The following SLC38A1 variants were observed in gnomAD, a reference collection of about 807,000 sequenced individuals.
The protein encoded by SLC38A1 is sodium-coupled neutral amino acid symporter 1.
In SLC38A1, 18 loss-of-function variants were observed where a neutral mutation model predicts 60.3. The ratio of observed to expected loss-of-function variants is 0.30; its 90% CI spans 0.21 to 0.44. The LOEUF (loss-of-function observed/expected upper bound fraction) is 0.44, where lower values mean the gene tolerates loss of function less well. SLC38A1 is among the 20% of genes least tolerant of loss of function. The pLI is 1.00. For synonymous variants in SLC38A1, 196 were observed against 212.1 expected, an observed-to-expected ratio of 0.92 and a Z score of 0.66; for missense variants, 448 against 587.2, an observed-to-expected ratio of 0.76 and a Z score of 2.45.
Position 46,212,058 on chromosome 12 carries a change from T to C in SLC38A1, c.315-2931A>G, listed in dbSNP as rs139333872. Among the ~76,000 whole-genome samples, 21 of 152,316 alleles carry C rather than the reference T, an allele frequency of 1.4e-4. No homozygotes were observed. The East Asian group carries it at 3.9e-3, about 28-fold the overall frequency. ...ATTCTTAGAAAGAAGGAATATGTTG[T>C]CTAATTGACTCTAATAGAACCTAGA... is the stretch of plus-strand genomic sequence containing the variant. On this transcript the variant is annotated intron_variant, in intron 5 of 16. Coordinates refer to ENST00000398637, the MANE Select transcript of SLC38A1 (RefSeq NM_030674.4).
rs71067986 is a variant in SLC38A1 at position 46,199,307 on chromosome 12, T to TTGTG, written c.1004-568_1004-565dup. Among the ~76,000 whole-genome samples, 157 of 125,336 alleles carry TTGTG rather than the reference T, an allele frequency of 1.3e-3. 1 individual carries two copies. Among genetic ancestry groups the TTGTG allele is most frequent in the South Asian group, 2.0e-3 (7 of 3,550 alleles). The allele number at this position is 125,336 out of a possible 152,430, so 82.2% of individuals were successfully genotyped here. ...AAAAAAAATTAGTTTATGTACTACT[T>TTGTG]TGTGTGTGTGTGTGTGTGTGTGTGT... On this transcript the variant is annotated intron_variant, in intron 13 of 16. Transcript: ENST00000398637.
chr12:46,199,549 G>A (rs954704447), intron 13 of SLC38A1, among the ~76,000 whole-genome samples: 2 of 151,248 alleles, frequency 1.3e-5, no homozygotes, highest in Admixed American at 1.3e-4. Flanking sequence ...GTAGAGATGG[G>A]GGTCTCATTA....
chr12:46,217,244 T>A (rs985676739), intron 5 of SLC38A1, among the ~76,000 whole-genome samples: 4 of 152,158 alleles, frequency 2.6e-5, no homozygotes, highest in Admixed American at 6.5e-5. Flanking sequence ...ACAGCTAGTG[T>A]CAGAGCACTC....
intron 1 of SLC38A1, among the ~76,000 whole-genome samples, chr12:46,259,390 G>A (rs1186835607): frequency 6.6e-6 from 1 of 152,114 alleles, no homozygotes; most frequent in East Asian, 1.9e-4. Context: ...TATCCATACT[G>A]TTAGCAAGGC....
chr12:46,203,613 C>T (rs1195319237), intron 11 of SLC38A1, among the ~76,000 whole-genome samples: 3 of 152,208 alleles, frequency 2.0e-5, no homozygotes, highest in African/African-American at 7.2e-5. Flanking sequence ...TCCTTACAAT[C>T]AGAGAGAAGG....
intron 16 of SLC38A1, among the ~76,000 whole-genome samples, chr12:46,189,878 G>A (rs150036626): frequency 5.3e-5 from 8 of 152,206 alleles, no homozygotes; most frequent in Non-Finnish European, 8.8e-5. Flanking sequence ...GGCCTCCCCA[G>A]TCATGTGGAA....
chr12:46,201,469 A>T (rs547311942), intron 12 of SLC38A1, among the ~76,000 whole-genome samples: 1 of 152,138 alleles, frequency 6.6e-6, no homozygotes, highest in Non-Finnish European at 1.5e-5. Context: ...GGCAGACAGC[A>T]TTTTTTTAAT....
At position 46,185,708 on chromosome 12, in the gene SLC38A1, C is replaced by A. The variant is rs759084561; in HGVS notation, c.*3262G>T. 2.0e-5 allele frequency: 3 copies of A among 152,044 alleles called. No homozygotes were observed. The highest frequency in any genetic ancestry group is 2.9e-5 in the Non-Finnish European group (2 of 68,078). 9.4% of individuals were successfully genotyped at this position (152,044 alleles called of 1,614,324 possible). On this transcript the variant is annotated 3_prime_UTR_variant, in exon 17 of 17. Coordinates refer to ENST00000398637, the MANE Select transcript of SLC38A1 (RefSeq NM_030674.4). ...GCACACCAAGCCTGAACCCTCCGGACAACAGCAGAGTTACCAGCTGAGGGA... is the reference window on the plus strand; with the variant it reads ...GCACACCAAGCCTGAACCCTCCGGAAAACAGCAGAGTTACCAGCTGAGGGA...
At chr12:46,267,325 G>C (rs1387616165) in intron 1 of SLC38A1, 1 of 152,242 alleles carries the variant, frequency 6.6e-6, no homozygotes, top group Non-Finnish European at 1.5e-5. Context: ...GTTTCTAACA[G>C]AGAACGAGGG....
chr12:46,224,187 T>G lies in SLC38A1; in HGVS notation c.314+4966A>C, dbSNP rs150619125. ...CAGGAAAACAGCTCAACAAGTACTC[T>G]TTACCCTGAGGTACTTGTGCCTCAG... On this transcript the variant is annotated intron_variant, in intron 5 of 16. Transcript: ENST00000398637. Among the ~76,000 whole-genome samples, 182 of 152,260 alleles carry G rather than the reference T, an allele frequency of 1.2e-3. 1 individual carries two copies. The highest frequency in any genetic ancestry group is 4.3e-3 in the African/African-American group (178 of 41,552).
intron 1 of SLC38A1, among the ~76,000 whole-genome samples, chr12:46,252,651 A>G (rs1175828590): frequency 1.3e-5 from 2 of 152,006 alleles, no homozygotes; most frequent in African/African-American, 2.4e-5. Flanking sequence ...AAAAGAAAAA[A>G]GTTCACCTGT....
At position 46,268,661 on chromosome 12, in the gene SLC38A1, T is replaced by TCTTA; in HGVS notation, c.-345_-344insTAAG. The TCTTA allele has an allele frequency of 1.6e-5, 4 of 243,098 alleles. No homozygotes were observed. The highest frequency in any genetic ancestry group is 1.4e-4 in the South Asian group (4 of 28,658). The allele number at this position is 243,098 out of a possible 1,614,324, so 15.1% of individuals were successfully genotyped here. Reference sequence around the variant, plus strand: ...GCCGGGAAAATGTGGCCCCCGTCAGTAAGGGTTGGGCAGGGAGCTTGGCGT... The same window carrying TCTTA: ...GCCGGGAAAATGTGGCCCCCGTCAGTCTTAAAGGGTTGGGCAGGGAGCTTGGCGT... On this transcript the variant is annotated 5_prime_UTR_variant, in exon 1 of 17. It introduces an in-frame stop codon into an upstream open reading frame of the 5' UTR. Coordinates refer to ENST00000398637, the MANE Select transcript of SLC38A1 (RefSeq NM_030674.4). This position sits in a 1 kb window ranked among gnomAD's most constrained non-coding sequence, Gnocchi z 4.4.
intron 1 of SLC38A1, among the ~76,000 whole-genome samples, chr12:46,267,007 A>G (rs1462770922): frequency 3.9e-5 from 6 of 152,216 alleles, no homozygotes; most frequent in Non-Finnish European, 1.5e-5. Flanking sequence ...CAACGAGGCC[A>G]GCCATGCACC....
intron 5 of SLC38A1, among the ~76,000 whole-genome samples, chr12:46,216,608 T>C (rs1940423455): frequency 6.6e-6 from 1 of 152,130 alleles, no homozygotes; most frequent in Admixed American, 6.5e-5. Flanking sequence ...CCCAGCACTT[T>C]GGGAGGCAGA....
intron 16 of SLC38A1, chr12:46,197,286 C>G (rs566009566): frequency 1.8e-5 from 3 of 164,044 alleles, no homozygotes; most frequent in African/African-American, 7.2e-5. Flanking sequence ...TCAGGAGATA[C>G]AGACCATCCT....
intron 1 of SLC38A1, among the ~76,000 whole-genome samples, chr12:46,247,907 A>T (rs1941678112): frequency 6.6e-6 from 1 of 152,244 alleles, no homozygotes; most frequent in African/African-American, 2.4e-5. Context: ...AATAATTTTC[A>T]ACCCAGAATT....
chr12:46,238,965 A>C (rs970631704), intron 3 of SLC38A1: 4 of 152,248 alleles, frequency 2.6e-5, no homozygotes, highest in African/African-American at 9.6e-5. Flanking sequence ...CTTGTAGTTT[A>C]ACACAGATTC....
chr12:46,268,036 C>A lies in SLC38A1; in HGVS notation c.-209+490G>T, dbSNP rs1325813461. On this transcript the variant is annotated intron_variant, in intron 1 of 16. Coordinates refer to ENST00000398637, the MANE Select transcript of SLC38A1 (RefSeq NM_030674.4). This position sits in a 1 kb window ranked among gnomAD's most constrained non-coding sequence, Gnocchi z 4.4. ...GGTCCGCGGCCGCTACCCAGCCGGC[C>A]GCACGCAGCACCCCCCGGACATCAC... Among the ~76,000 whole-genome samples the A allele has an allele frequency of 1.3e-5, 2 of 152,174 alleles. No individual in the cohort carries two copies. Among genetic ancestry groups the A allele is most frequent in the African/African-American group, 4.8e-5 (2 of 41,442 alleles).
chr12:46,224,760 T>C (rs557367944), intron 5 of SLC38A1, among the ~76,000 whole-genome samples: 1 of 152,310 alleles, frequency 6.6e-6, no homozygotes, highest in African/African-American at 2.4e-5. Flanking sequence ...AAACTTAAAG[T>C]TTGAGCCTTT....
Sources: allele counts gnomAD v4.1 joint callset (sites outside exome capture counted in the v4.1 genomes callset), GRCh38; gene constraint gnomAD v4.1.1; non-coding constraint Gnocchi (gnomAD v3.1); transcripts MANE v1.5; gene names NCBI Gene and HGNC (gene_info 2026-07-23, HGNC 2026-07-21).